Variants in PRP4K observed in about 807,000 individuals in gnomAD.
The protein encoded by PRP4K is serine/threonine-protein kinase PRP4 homolog.
the PRP4K span, chr6:4,064,416 A>G: frequency 6.6e-6 from 1 of 152,596 alleles, no homozygotes; most frequent in Admixed American, 6.5e-5. Flanking sequence ...ATGGGGTAGA[A>G]ATAAAATCTC....
At chr6:4,045,996 C>T in the PRP4K span, among the ~76,000 whole-genome samples, 134 of 152,278 alleles carry the variant, frequency 8.8e-4, no homozygotes, top group Admixed American at 2.0e-3. Flanking sequence ...ATATACTTTT[C>T]CTCACTCCTT....
the PRP4K span, among the ~76,000 whole-genome samples, chr6:4,035,955 A>T: frequency 2.0e-5 from 3 of 152,144 alleles, no homozygotes; most frequent in East Asian, 5.8e-4. Flanking sequence ...ACAAGAGCAA[A>T]ACTCCATCTC....
the PRP4K span, chr6:4,049,068 A>G: frequency 1.2e-6 from 2 of 1,612,730 alleles, no homozygotes; most frequent in South Asian, 2.2e-5. Flanking sequence ...GAGAATCCCA[A>G]CCTCAGAGAT....
chr6:4,048,378 C>CAAAA, the PRP4K span, among the ~76,000 whole-genome samples: 2 of 98,928 alleles, frequency 2.0e-5, no homozygotes, highest in African/African-American at 4.2e-5. Context: ...GACTCCGTCT[C>CAAAA]AAAAAAAAAA....
At chr6:4,056,952 C>T in the PRP4K span, 1 of 1,334,430 alleles carries the variant, frequency 7.5e-7, no homozygotes, top group Non-Finnish European at 1.0e-6. Context: ...GCTAAGGTAG[C>T]CAGCCCCTCA....
chr6:4,024,389 C>G, the PRP4K span, among the ~76,000 whole-genome samples: 1 of 152,058 alleles, frequency 6.6e-6, no homozygotes, highest in African/African-American at 2.4e-5. Context: ...TAATTACTTT[C>G]CTGGTAAATA....
At chr6:4,056,857 A>T in the PRP4K span, 6 of 1,066,890 alleles carry the variant, frequency 5.6e-6, no homozygotes, top group Non-Finnish European at 7.8e-6. Flanking sequence ...AAGGTTTTTA[A>T]GTTTGAGTCT....
At chr6:4,062,530 G>T in the PRP4K span, 1 of 152,586 alleles carries the variant, frequency 6.6e-6, no homozygotes, top group African/African-American at 2.4e-5. The surrounding 1 kb of genome is among the most constrained non-coding windows in gnomAD (Gnocchi z 4.2). Context: ...TTTTTAAATT[G>T]TAAATGGGAT....
At chr6:4,047,927 C>T in the PRP4K span, among the ~76,000 whole-genome samples, 1 of 151,186 alleles carries the variant, frequency 6.6e-6, no homozygotes, top group South Asian at 2.1e-4. Context: ...CACACACACA[C>T]ACACACACAC....
At chr6:4,062,899 G>A in the PRP4K span, 2 of 152,540 alleles carry the variant, frequency 1.3e-5, no homozygotes, top group African/African-American at 2.4e-5. The surrounding 1 kb of genome is among the most constrained non-coding windows in gnomAD (Gnocchi z 4.2). Context: ...CAAGTCTCTT[G>A]TAGTTATTTT....
At chr6:4,042,892 T>G in the PRP4K span, among the ~76,000 whole-genome samples, 2 of 152,180 alleles carry the variant, frequency 1.3e-5, no homozygotes, top group African/African-American at 4.8e-5. Flanking sequence ...GGAATTTTAT[T>G]TAGCAAAAAA....
chr6:4,049,916 C>A, the PRP4K span: 128 of 1,587,264 alleles, frequency 8.1e-5, no homozygotes, highest in African/African-American at 1.6e-3. Flanking sequence ...TTTAACAGTA[C>A]GGATACTTAC....
chr6:4,040,953 T>C, the PRP4K span: 1 of 1,584,904 alleles, frequency 6.3e-7, no homozygotes, highest in Non-Finnish European at 8.6e-7. Flanking sequence ...ACCCATAACT[T>C]TGTTTTTCCA....
chr6:4,038,737 T>G, the PRP4K span, among the ~76,000 whole-genome samples: 1 of 152,126 alleles, frequency 6.6e-6, no homozygotes, highest in African/African-American at 2.4e-5. Flanking sequence ...ACTGCTAGTC[T>G]TCTTGCTCCA....
chr6:4,028,827 G>T, the PRP4K span, among the ~76,000 whole-genome samples: 1 of 151,686 alleles, frequency 6.6e-6, no homozygotes, highest in Non-Finnish European at 1.5e-5. Context: ...CAGTCATACC[G>T]CCATTCTCTC....
chr6:4,032,719 G>C, the PRP4K span: 1 of 1,588,798 alleles, frequency 6.3e-7, no homozygotes, highest in African/African-American at 1.4e-5. Flanking sequence ...GAAAGAAAAC[G>C]ACGAGAACCA....
At chr6:4,030,839 A>G in the PRP4K span, among the ~76,000 whole-genome samples, 1 of 152,218 alleles carries the variant, frequency 6.6e-6, no homozygotes, top group Non-Finnish European at 1.5e-5. Flanking sequence ...ATGATTGCTT[A>G]CTACAAGCCT....
the PRP4K span, among the ~76,000 whole-genome samples, chr6:4,036,351 A>G: frequency 6.6e-6 from 1 of 152,016 alleles, no homozygotes. Flanking sequence ...CCTCCCTATT[A>G]GTTGGGACTA....
At chr6:4,047,289 A>G in the PRP4K span, 1 of 1,462,950 alleles carries the variant, frequency 6.8e-7, no homozygotes, top group Non-Finnish European at 9.6e-7. Flanking sequence ...AAAAAAAATA[A>G]CAAATATATT....
Sources: gnomAD v4.1 joint callset for allele counts (sites outside exome capture counted in the v4.1 genomes callset) on GRCh38, gnomAD v4.1.1 for gene constraint, Gnocchi (gnomAD v3.1) non-coding constraint, MANE v1.5 for transcripts, NCBI Gene and HGNC (gene_info 2026-07-23, HGNC 2026-07-21) for gene names.